Variants in RALGPS2 observed in about 807,000 individuals in gnomAD.
RALGPS2 encodes the protein Ral GEF with PH domain and SH3 binding motif 2, also known as ras-specific guanine nucleotide-releasing factor RalGPS2.
A neutral mutation model predicts 86.8 loss-of-function variants in RALGPS2; 43 were observed. That is an observed-to-expected ratio of 0.50 (90% CI 0.39 to 0.64). The LOEUF (loss-of-function observed/expected upper bound fraction) is 0.64. Ranked by LOEUF, RALGPS2 falls within the 30% of genes least tolerant of loss-of-function variation. RALGPS2 has a pLI of 0.00. For synonymous variants in RALGPS2, 243 were observed against 231.3 expected, an observed-to-expected ratio of 1.05 and a Z score of -0.46; for missense variants, 536 against 694.6, an observed-to-expected ratio of 0.77 and a Z score of 2.57.
At chr1:178,909,215 T>C (rs1660508388) in intron 19 of RALGPS2, among the ~76,000 whole-genome samples, 1 of 152,162 alleles carries the variant, frequency 6.6e-6, no homozygotes, top group African/African-American at 2.4e-5. Flanking sequence ...TGGTAGTAGG[T>C]GTGAGGCATT....
chr1:178,795,368 T>C (rs1654142031), intron 4 of RALGPS2, among the ~76,000 whole-genome samples: 1 of 152,170 alleles, frequency 6.6e-6, no homozygotes, highest in Non-Finnish European at 1.5e-5. Context: ...TGAGGGAAAG[T>C]ATGTAATAGA....
chr1:178,908,955 G>A (rs1660497414), intron 19 of RALGPS2, among the ~76,000 whole-genome samples: 1 of 152,124 alleles, frequency 6.6e-6, no homozygotes, highest in Non-Finnish European at 1.5e-5. Context: ...TGCTTTTGGA[G>A]TCTTCATCAT....
Position 178,918,024 on chromosome 1 carries a change from A to G in RALGPS2, c.*1665A>G, listed in dbSNP as rs948075936. The G allele has an allele frequency of 1.3e-5, 2 of 152,184 alleles. No homozygotes were observed. The highest frequency in any genetic ancestry group is 1.5e-5 in the Non-Finnish European group (1 of 68,016). 9.4% of individuals were successfully genotyped at this position (152,184 alleles called of 1,614,324 possible). A position where few individuals can be genotyped will look rare whatever the true frequency, so the allele number is the denominator to read the frequency against. On this transcript the variant is annotated 3_prime_UTR_variant, in exon 20 of 20. Coordinates refer to ENST00000367635, the MANE Select transcript of RALGPS2 (RefSeq NM_152663.5). Reference sequence around the variant, plus strand: ...ACAATAATTAGCTTAAAATCCATCCAAAGGAAAAGAGAAGAGCTTTTTTTG... The same window carrying G: ...ACAATAATTAGCTTAAAATCCATCCGAAGGAAAAGAGAAGAGCTTTTTTTG...
At chr1:178,767,929 C>A (rs1447791577) in intron 1 of RALGPS2, among the ~76,000 whole-genome samples, 1 of 152,142 alleles carries the variant, frequency 6.6e-6, no homozygotes, top group Non-Finnish European at 1.5e-5. Flanking sequence ...GCTGAGTTCC[C>A]ACAGAGCACA....
chr1:178,899,238 G>A (rs914626367), intron 17 of RALGPS2, among the ~76,000 whole-genome samples: 6 of 151,628 alleles, frequency 4.0e-5, no homozygotes, highest in African/African-American at 1.5e-4. Flanking sequence ...TTATACTTTG[G>A]GTTTTTAATT....
intron 1 of RALGPS2, among the ~76,000 whole-genome samples, chr1:178,773,791 G>A (rs1313115144): frequency 1.1e-4 from 16 of 146,502 alleles, no homozygotes; most frequent in South Asian, 2.2e-4. Context: ...GCAAGACTCC[G>A]TCTCAAAAAA....
At position 178,918,049 on chromosome 1, in the gene RALGPS2, G is replaced by C. The variant is rs1660869384; in HGVS notation, c.*1690G>C. On this transcript the variant is annotated 3_prime_UTR_variant, in exon 20 of 20. Coordinates refer to ENST00000367635, the MANE Select transcript of RALGPS2 (RefSeq NM_152663.5). The stretch of plus-strand genomic sequence containing the variant: ...AAAGGAAAAGAGAAGAGCTTTTTTT[G>C]AGTGTTAAGTTTTTTAATTTAGTAT... 1 of 152,048 alleles carries C rather than the reference G, an allele frequency of 6.6e-6. No homozygotes were observed. The highest frequency in any genetic ancestry group is 2.4e-5 in the African/African-American group (1 of 41,414). The allele number at this position is 152,048 out of a possible 1,614,324, so 9.4% of individuals were successfully genotyped here.
At position 178,897,776 on chromosome 1, in the gene RALGPS2, A is replaced by C. The variant is rs370734789; in HGVS notation, c.1524+20A>C. The C allele has an allele frequency of 6.3e-7, 1 of 1,589,420 alleles. No individual in the cohort carries two copies. The highest frequency in any genetic ancestry group is 1.7e-5 in the Admixed American group (1 of 59,696). ...AAACATGTAAGTATTTGTTCTCTAC[A>C]TTTTTAGCGTGGTTTCCCAGACTGT... On this transcript the variant is annotated intron_variant, in intron 17 of 19. Transcript: ENST00000367635.
chr1:178,864,810 C>A (rs1313432743), intron 8 of RALGPS2: 1 of 492,902 alleles, frequency 2.0e-6, no homozygotes. Context: ...AAGTTCAATT[C>A]TTGATATTAA....
At chr1:178,812,676 A>T (rs184397507) in intron 6 of RALGPS2, among the ~76,000 whole-genome samples, 36 of 152,336 alleles carry the variant, frequency 2.4e-4, no homozygotes, top group Non-Finnish European at 3.1e-4. Context: ...AGCCACGTTC[A>T]TTCATTACTC....
intron 1 of RALGPS2, among the ~76,000 whole-genome samples, chr1:178,733,812 G>A (rs1650527775): frequency 6.6e-6 from 1 of 152,176 alleles, no homozygotes; most frequent in Non-Finnish European, 1.5e-5. Flanking sequence ...ATAGGTAAAG[G>A]ATTCTTACGT....
intron 8 of RALGPS2, among the ~76,000 whole-genome samples, chr1:178,869,695 G>C (rs1391962715): frequency 6.6e-6 from 1 of 152,052 alleles, no homozygotes; most frequent in Non-Finnish European, 1.5e-5. Flanking sequence ...CAAAAGCAAA[G>C]TTGGAAAAAA....
At chr1:178,909,308 T>G (rs929710302) in intron 19 of RALGPS2, among the ~76,000 whole-genome samples, 1 of 152,220 alleles carries the variant, frequency 6.6e-6, no homozygotes, top group Non-Finnish European at 1.5e-5. Flanking sequence ...TGCTATTTTT[T>G]GGTTACTGTA....
chr1:178,851,286 C>T, intron 8 of RALGPS2: 1 of 1,611,424 alleles, frequency 6.2e-7, no homozygotes, highest in Non-Finnish European at 8.5e-7. Context: ...ATTGTACCAC[C>T]AGCCTCCTTT....
chr1:178,796,758 T>G (rs1654210308), intron 4 of RALGPS2, among the ~76,000 whole-genome samples: 1 of 152,194 alleles, frequency 6.6e-6, no homozygotes, highest in Admixed American at 6.6e-5. Flanking sequence ...AATTCAGTAA[T>G]TCTTTCATAG....
At chr1:178,901,453 C>G (rs1056296707) in intron 17 of RALGPS2, among the ~76,000 whole-genome samples, 2 of 152,062 alleles carry the variant, frequency 1.3e-5, no homozygotes, top group Non-Finnish European at 2.9e-5. Context: ...TAAGCACTAG[C>G]TTAAGCCAAC....
chr1:178,763,735 A>C lies in RALGPS2; in HGVS notation c.-83-12947A>C, dbSNP rs551298636. On this transcript the variant is annotated intron_variant, in intron 1 of 19. Transcript: ENST00000367635. ...CAAAGAATTTCTTGATTTCTGCCTTAATTTCATTATTTACCCAGAAATCAT... is the reference window on the plus strand; with the variant it reads ...CAAAGAATTTCTTGATTTCTGCCTTCATTTCATTATTTACCCAGAAATCAT... Among the ~76,000 whole-genome samples the C allele has an allele frequency of 2.6e-5, 4 of 152,166 alleles. No homozygotes were observed. The East Asian group carries it at 7.7e-4, about 29-fold the overall frequency.
chr1:178,894,547 A>G, intron 16 of RALGPS2, among the ~76,000 whole-genome samples: 1 of 152,080 alleles, frequency 6.6e-6, no homozygotes, highest in East Asian at 1.9e-4. Context: ...TGGACAAAGA[A>G]AGGGAAGATT....
intron 2 of RALGPS2, among the ~76,000 whole-genome samples, chr1:178,777,943 G>C (rs1453675992): frequency 3.5e-5 from 5 of 142,086 alleles, no homozygotes; most frequent in Admixed American, 7.0e-5. Context: ...AAAAACCCTA[G>C]AAGAAAACCT....
Sources: gnomAD v4.1 joint callset for allele counts (sites outside exome capture counted in the v4.1 genomes callset) on GRCh38, gnomAD v4.1.1 for gene constraint, MANE v1.5 for transcripts, NCBI Gene and HGNC (gene_info 2026-07-23, HGNC 2026-07-21) for gene names.